EPHA3: variants seen among roughly 807,000 people sequenced by gnomAD.
EPHA3 encodes ephrin type-A receptor 3.
A neutral mutation model predicts 107.1 loss-of-function variants in EPHA3; 42 were observed. The ratio of observed to expected loss-of-function variants is 0.39; its 90% CI spans 0.31 to 0.51. EPHA3 has a LOEUF of 0.51. Among genes scored for constraint, EPHA3 ranks in the 20% least tolerant of loss-of-function variants. EPHA3 has a pLI of 0.78. For missense variants in EPHA3, 1,183 were observed against 1,211.2 expected, an observed-to-expected ratio of 0.98 and a Z score of 0.35; for synonymous variants, 461 against 424.8, an observed-to-expected ratio of 1.09 and a Z score of -1.05.
intron 2 of EPHA3, among the ~76,000 whole-genome samples, chr3:89,162,854 G>C (rs1704980840): frequency 6.6e-6 from 1 of 152,186 alleles, no homozygotes; most frequent in Non-Finnish European, 1.5e-5. Context: ...GCCACTCCAT[G>C]CAGCAAAGAC....
At chr3:89,323,671 C>A (rs1314192207) in intron 3 of EPHA3, among the ~76,000 whole-genome samples, 1 of 152,012 alleles carries the variant, frequency 6.6e-6, no homozygotes, top group Non-Finnish European at 1.5e-5. Flanking sequence ...ATAAAGAAAT[C>A]AAAACCAGTA....
intron 5 of EPHA3, among the ~76,000 whole-genome samples, chr3:89,383,639 C>CCTTT (rs1708553469): frequency 1.1e-5 from 1 of 87,962 alleles, no homozygotes. Flanking sequence ...ACTTCTTCTT[C>CCTTT]TTTTTTTTTT....
intron 3 of EPHA3, among the ~76,000 whole-genome samples, chr3:89,295,039 A>T (rs1706312762): frequency 6.6e-6 from 1 of 152,150 alleles, no homozygotes; most frequent in African/African-American, 2.4e-5. Flanking sequence ...TCAAGGTCTG[A>T]TCATTCCTCA....
intron 6 of EPHA3, among the ~76,000 whole-genome samples, chr3:89,398,570 A>C (rs1157235140): frequency 6.6e-6 from 1 of 152,180 alleles, no homozygotes; most frequent in Admixed American, 6.5e-5. Flanking sequence ...TTTTATGTTT[A>C]ATATTTTAAG....
At chr3:89,124,419 A>G (rs1704047640) in intron 1 of EPHA3, among the ~76,000 whole-genome samples, 1 of 152,122 alleles carries the variant, frequency 6.6e-6, no homozygotes, top group Non-Finnish European at 1.5e-5. Context: ...TGGGAGTCCC[A>G]ATTAAGTAAC....
intron 3 of EPHA3, among the ~76,000 whole-genome samples, chr3:89,295,168 A>G (rs1706315724): frequency 4.5e-5 from 5 of 110,652 alleles, no homozygotes; most frequent in Admixed American, 4.0e-4. Context: ...CCCAGTGCAT[A>G]TGAAGGTTAT....
At chr3:89,130,760 G>A (rs1048779925) in intron 2 of EPHA3, among the ~76,000 whole-genome samples, 5 of 151,146 alleles carry the variant, frequency 3.3e-5, no homozygotes, top group African/African-American at 7.3e-5. Flanking sequence ...TCAGCCTCCC[G>A]AGTAGTTGGG....
At chr3:89,161,668 T>C (rs2107072263) in intron 2 of EPHA3, among the ~76,000 whole-genome samples, 1 of 152,220 alleles carries the variant, frequency 6.6e-6, no homozygotes. Flanking sequence ...GAATATCCTA[T>C]AATTTTTATT....
At chr3:89,434,462 C>T (rs1709628779) in intron 13 of EPHA3, among the ~76,000 whole-genome samples, 1 of 152,170 alleles carries the variant, frequency 6.6e-6, no homozygotes, top group East Asian at 1.9e-4. Flanking sequence ...AGGTGATCCA[C>T]CTGCCTCAGC....
At chr3:89,392,622 C>T (rs1336154787) in intron 5 of EPHA3, among the ~76,000 whole-genome samples, 2 of 151,792 alleles carry the variant, frequency 1.3e-5, no homozygotes, top group Non-Finnish European at 2.9e-5. Flanking sequence ...TAACCATTAA[C>T]TTCCATTCTC....
chr3:89,204,657 G>T (rs1706057879), intron 2 of EPHA3, among the ~76,000 whole-genome samples: 1 of 147,138 alleles, frequency 6.8e-6, no homozygotes, highest in Non-Finnish European at 1.5e-5. Flanking sequence ...ACCAGAATGG[G>T]CTAAGGAAAA....
chr3:89,109,321 T>G lies in EPHA3; in HGVS notation c.88+1485T>G, dbSNP rs1707044380. 2.6e-5 allele frequency among the ~76,000 whole-genome samples: 4 copies of G among 152,252 alleles called. No individual in the cohort carries two copies. The South Asian group carries it at 8.3e-4, about 31-fold the overall frequency. On this transcript the variant is annotated intron_variant, in intron 1 of 16. Coordinates refer to ENST00000336596, the MANE Select transcript of EPHA3 (RefSeq NM_005233.6). ...CTTCCTGAATGAAAGGTAAGAGTATTCATTTGTATAACGGGTAACATGTAT... is the reference window on the plus strand; with the variant it reads ...CTTCCTGAATGAAAGGTAAGAGTATGCATTTGTATAACGGGTAACATGTAT...
chr3:89,147,923 G>T lies in EPHA3; in HGVS notation c.153+20650G>T, dbSNP rs530644270. Among the ~76,000 whole-genome samples, 3 of 152,060 alleles carry T rather than the reference G, an allele frequency of 2.0e-5. No individual in the cohort carries two copies. In the East Asian group the frequency reaches 5.8e-4, roughly 29 times the overall value. ...AAAGGAGGAAAACCAGAATGGAAAA[G>T]TCTGTATGTTTTGCCTATGGAATAT... On this transcript the variant is annotated intron_variant, in intron 2 of 16. Coordinates refer to ENST00000336596, the MANE Select transcript of EPHA3 (RefSeq NM_005233.6).
intron 3 of EPHA3, among the ~76,000 whole-genome samples, chr3:89,265,404 C>T (rs1391994535): frequency 2.0e-5 from 3 of 151,990 alleles, no homozygotes; most frequent in Admixed American, 1.3e-4. Context: ...CGTAGTTCTA[C>T]AGAAAAAAAG....
chr3:89,227,013 C>A (rs1259076809), intron 3 of EPHA3, among the ~76,000 whole-genome samples: 1 of 151,910 alleles, frequency 6.6e-6, no homozygotes, highest in African/African-American at 2.4e-5. Context: ...AGCACATACA[C>A]CTTACACAAT....
At chr3:89,258,065 A>C (rs1705327238) in intron 3 of EPHA3, among the ~76,000 whole-genome samples, 1 of 152,224 alleles carries the variant, frequency 6.6e-6, no homozygotes, top group South Asian at 2.1e-4. Context: ...CTGCTGCTCT[A>C]TGCCTCATGC....
rs1425991297 is a variant in EPHA3 at position 89,348,257 on chromosome 3, G to C, written c.1306+6167G>C. 1.0e-4 allele frequency among the ~76,000 whole-genome samples: 14 copies of C among 134,302 alleles called. 1 individual carries two copies. The highest frequency in any genetic ancestry group is 2.3e-4 in the Admixed American group (3 of 13,218). The allele number at this position is 134,302 out of a possible 152,430, so 88.1% of individuals were successfully genotyped here. On this transcript the variant is annotated intron_variant, in intron 5 of 16. Transcript: ENST00000336596. ...ATCCATCTGGTCCTGGACTCTTTTT[G>C]GTTGGTAAACTATTGATTATTGCCA...
intron 3 of EPHA3, among the ~76,000 whole-genome samples, chr3:89,254,900 T>C (rs2107269271): frequency 6.6e-6 from 1 of 152,318 alleles, no homozygotes. Flanking sequence ...TTAAATAGCA[T>C]TCAGTAACTT....
intron 5 of EPHA3, among the ~76,000 whole-genome samples, chr3:89,366,537 A>G (rs956565977): frequency 1.3e-5 from 2 of 150,826 alleles, no homozygotes; most frequent in African/African-American, 2.4e-5. Flanking sequence ...GATCTTAAAT[A>G]TAATTTGTAT....
Sources: allele counts gnomAD v4.1 joint callset (sites outside exome capture counted in the v4.1 genomes callset), GRCh38; gene constraint gnomAD v4.1.1; transcripts MANE v1.5; gene names NCBI Gene and HGNC (gene_info 2026-07-23, HGNC 2026-07-21).